Variants in PTPRN2 observed in about 807,000 individuals in gnomAD.
PTPRN2 encodes receptor-type tyrosine-protein phosphatase N2.
Under a neutral mutation model 118.8 loss-of-function variants are expected in PTPRN2, and 74 were observed. That is an observed-to-expected ratio of 0.62 (90% CI 0.52 to 0.76). The LOEUF (loss-of-function observed/expected upper bound fraction) is 0.76. Among genes scored for constraint, PTPRN2 ranks in the 30% least tolerant of loss-of-function variants. PTPRN2 has a pLI of 0.00. For synonymous variants in PTPRN2, 641 were observed against 608.0 expected (o/e 1.05, Z -0.80); for missense variants, 1,481 against 1,394.4 (o/e 1.06, Z -0.99).
chr7:157,681,328 T>G (rs1166212900), intron 13 of PTPRN2, among the ~76,000 whole-genome samples: 1 of 152,234 alleles, frequency 6.6e-6, no homozygotes, highest in Non-Finnish European at 1.5e-5. Flanking sequence ...AAGGTCTTGC[T>G]CAATGGAATT....
At chr7:157,555,900 C>G (rs1798852127) in intron 21 of PTPRN2, among the ~76,000 whole-genome samples, 1 of 152,222 alleles carries the variant, frequency 6.6e-6, no homozygotes, top group Non-Finnish European at 1.5e-5. Context: ...GCCCCAGGAG[C>G]GCAGAGCTCC....
chr7:158,025,842 C>T (rs796891261), intron 11 of PTPRN2, among the ~76,000 whole-genome samples: 15 of 152,360 alleles, frequency 9.8e-5, no homozygotes, highest in Non-Finnish European at 1.3e-4. Flanking sequence ...CAGGGATTAA[C>T]GAGCCCGGCA....
intron 11 of PTPRN2, among the ~76,000 whole-genome samples, chr7:157,961,650 G>A (rs1323769504): frequency 6.6e-6 from 1 of 152,150 alleles, no homozygotes; most frequent in Non-Finnish European, 1.5e-5. Context: ...ATTTAATAAC[G>A]GTGTAATCTT....
chr7:157,915,041 T>C (rs1798319969), intron 11 of PTPRN2, among the ~76,000 whole-genome samples: 1 of 152,166 alleles, frequency 6.6e-6, no homozygotes, highest in South Asian at 2.1e-4. Flanking sequence ...ATCTGTAGGT[T>C]ATATTTAGCT....
chr7:157,846,419 A>G (rs1012229928), intron 12 of PTPRN2, among the ~76,000 whole-genome samples: 62 of 151,930 alleles, frequency 4.1e-4, no homozygotes, highest in African/African-American at 1.3e-3. Context: ...GACGCTCTAA[A>G]AATGCAAAGC....
chr7:157,679,833 C>T (rs1330392034), intron 13 of PTPRN2, among the ~76,000 whole-genome samples: 1 of 152,124 alleles, frequency 6.6e-6, no homozygotes, highest in Non-Finnish European at 1.5e-5. Flanking sequence ...AAGTGCCTTG[C>T]CAGGACACTA....
At chr7:158,345,901 A>T (rs755965793) in intron 2 of PTPRN2, among the ~76,000 whole-genome samples, 8 of 151,968 alleles carry the variant, frequency 5.3e-5, no homozygotes, top group Non-Finnish European at 1.2e-4. Context: ...TACACTTTTA[A>T]ACCATCAGCT....
At chr7:157,775,768 TG>T (rs1180553181) in intron 12 of PTPRN2, among the ~76,000 whole-genome samples, 1 of 152,096 alleles carries the variant, frequency 6.6e-6, no homozygotes, top group Non-Finnish European at 1.5e-5. Context: ...CGGGTCATGG[TG>T]TCCCCCGCAG....
At chr7:157,742,392 T>C (rs963473460) in intron 12 of PTPRN2, among the ~76,000 whole-genome samples, 5 of 152,078 alleles carry the variant, frequency 3.3e-5, no homozygotes, top group African/African-American at 1.2e-4. Flanking sequence ...TGGATACAAG[T>C]AGGACAGAAA....
At position 157,682,764 on chromosome 7, in the gene PTPRN2, T is replaced by C. The variant is rs773608239; in HGVS notation, c.1962A>G (p.Leu654=). Residue 654 remains leucine, a synonymous_variant, in exon 13 of 23, where the codon CTA becomes CTG. Transcript: ENST00000389418. The part of the protein sequence containing the change: ...QHRLKEKLSG[L]GGDPGADATA... ...TGGCATCTGCACCTGGGTCGCCCCC[T>C]AGTCCCGAGAGCTTCTCCTTCAGCC... 75 of 1,613,916 alleles carry C rather than the reference T, an allele frequency of 4.6e-5. No homozygotes were observed. The highest frequency in any genetic ancestry group is 6.3e-5 in the Non-Finnish European group (74 of 1,180,044).
intron 5 of PTPRN2, among the ~76,000 whole-genome samples, chr7:158,184,469 G>C (rs1366413981): frequency 2.6e-5 from 4 of 152,134 alleles, no homozygotes; most frequent in Non-Finnish European, 5.9e-5. Context: ...ATATTTACTA[G>C]TTTTAGTAGC....
At chr7:157,715,145 CT>C (rs1449722225) in intron 12 of PTPRN2, among the ~76,000 whole-genome samples, 1 of 152,174 alleles carries the variant, frequency 6.6e-6, no homozygotes, top group South Asian at 2.1e-4. Flanking sequence ...GAAATGTGTG[CT>C]TAAAATGGCC....
chr7:158,003,413 CAAAAAA>C lies in PTPRN2; in HGVS notation c.1723+77879_1723+77884del, dbSNP rs11352464. On this transcript the variant is annotated intron_variant, in intron 11 of 22. Coordinates refer to ENST00000389418, the MANE Select transcript of PTPRN2 (RefSeq NM_002847.5). This position sits in a 1 kb window ranked among gnomAD's most constrained non-coding sequence, Gnocchi z 5.0. Reference sequence around the variant, plus strand: ...TGGGAGACACAGCGAGACTCCGTCTCAAAAAAAAAAAAAAAAAAAAATGAGGTCCTG... The same window carrying C: ...TGGGAGACACAGCGAGACTCCGTCTCAAAAAAAAAAAAAAATGAGGTCCTG... Among the ~76,000 whole-genome samples, 3 of 87,396 alleles carry C rather than the reference CAAAAAA, an allele frequency of 3.4e-5. No individual in the cohort carries two copies. The highest frequency in any genetic ancestry group is 1.3e-4 in the African/African-American group (3 of 22,272). The allele number at this position is 87,396 out of a possible 152,430, so 57.3% of individuals were successfully genotyped here.
chr7:157,886,301 C>T (rs545366820), intron 12 of PTPRN2, among the ~76,000 whole-genome samples: 100 of 152,172 alleles, frequency 6.6e-4, no homozygotes, highest in Non-Finnish European at 9.7e-4. Flanking sequence ...CGTGTCCCTG[C>T]GACTGAAATC....
rs1815535645 is a variant in PTPRN2, at chr7:158,424,534, G to A, written c.163+65201C>T. 2.0e-5 allele frequency among the ~76,000 whole-genome samples: 3 copies of A among 152,314 alleles called. 1 individual carries two copies. In the Middle Eastern group the frequency reaches 0.01, roughly 518 times the overall value. ...CCGATTCCTCTATTAACCTGTCTCTGGCTACATTCAAACAAATCATATGTG... is the reference window on the plus strand; with the variant it reads ...CCGATTCCTCTATTAACCTGTCTCTAGCTACATTCAAACAAATCATATGTG... On this transcript the variant is annotated intron_variant, in intron 2 of 22. Coordinates refer to ENST00000389418, the MANE Select transcript of PTPRN2 (RefSeq NM_002847.5).
At chr7:157,934,032 C>G (rs1044721332) in intron 11 of PTPRN2, among the ~76,000 whole-genome samples, 1 of 152,170 alleles carries the variant, frequency 6.6e-6, no homozygotes. Context: ...TATACCGTGG[C>G]TGCCTCAGGA....
At chr7:158,094,434 C>T (rs1237362974) in intron 10 of PTPRN2, among the ~76,000 whole-genome samples, 2 of 152,096 alleles carry the variant, frequency 1.3e-5, no homozygotes, top group East Asian at 1.9e-4. Flanking sequence ...CTCAGCCTCC[C>T]CAGTAGCTGG....
At chr7:157,567,907 T>C (rs548150040) in intron 21 of PTPRN2, among the ~76,000 whole-genome samples, 1 of 152,310 alleles carries the variant, frequency 6.6e-6, no homozygotes, top group South Asian at 2.1e-4. Context: ...CTGGACTCCT[T>C]GGGACCTCTC....
intron 1 of PTPRN2, among the ~76,000 whole-genome samples, chr7:158,558,023 T>C (rs1827158019): frequency 6.6e-6 from 1 of 152,204 alleles, no homozygotes; most frequent in Admixed American, 6.5e-5. Context: ...CTCACTCTGT[T>C]GCCCAGGCTG....
Sources: gnomAD v4.1 joint callset for allele counts (sites outside exome capture counted in the v4.1 genomes callset) on GRCh38, gnomAD v4.1.1 for gene constraint, Gnocchi (gnomAD v3.1) non-coding constraint, MANE v1.5 for transcripts, NCBI Gene and HGNC (gene_info 2026-07-23, HGNC 2026-07-21) for gene names.